The following CAMTA1 variants were observed in gnomAD, a reference collection of about 807,000 sequenced individuals.
CAMTA1 encodes calmodulin binding transcription activator 1.
A neutral mutation model predicts 170.9 loss-of-function variants in CAMTA1; 27 were observed. That is an observed-to-expected ratio of 0.16 (90% CI 0.12 to 0.22). CAMTA1 has a LOEUF of 0.22. Ranked by LOEUF, CAMTA1 falls within the 10% of genes least tolerant of loss-of-function variation. CAMTA1 has a pLI of 1.00. For synonymous variants in CAMTA1, 833 were observed against 891.5 expected, an observed-to-expected ratio of 0.93 and a Z score of 1.17; for missense variants, 1,619 against 2,217.2, an observed-to-expected ratio of 0.73 and a Z score of 5.42.
chr1:7,134,927 A>T (rs1358048579), intron 4 of CAMTA1, among the ~76,000 whole-genome samples: 3 of 152,076 alleles, frequency 2.0e-5, no homozygotes, highest in African/African-American at 7.2e-5. Context: ...AAAACAAATA[A>T]CCTCATTAAA....
intron 3 of CAMTA1, among the ~76,000 whole-genome samples, chr1:6,979,169 A>G (rs1419431062): frequency 6.6e-6 from 1 of 152,082 alleles, no homozygotes; most frequent in Non-Finnish European, 1.5e-5. Flanking sequence ...CATTGGGGAG[A>G]GCTGGAGGGG....
At chr1:7,068,942 CCT>C (rs1346070217) in intron 3 of CAMTA1, among the ~76,000 whole-genome samples, 1 of 152,150 alleles carries the variant, frequency 6.6e-6, no homozygotes, top group African/African-American at 2.4e-5. Flanking sequence ...TAAGTTGCTC[CCT>C]CTCTTTGTTC....
At chr1:7,636,431 T>TC (rs1472315926) in intron 6 of CAMTA1, among the ~76,000 whole-genome samples, 2 of 152,170 alleles carry the variant, frequency 1.3e-5, no homozygotes, top group Non-Finnish European at 2.9e-5. Context: ...TAGAAAGGCT[T>TC]CCCGGCCGGG....
chr1:6,854,763 A>C (rs949591851), intron 3 of CAMTA1, among the ~76,000 whole-genome samples: 2 of 152,252 alleles, frequency 1.3e-5, no homozygotes, highest in Non-Finnish European at 2.9e-5. Context: ...CAGAAAAATC[A>C]TGTGATAATG....
chr1:7,256,898 G>A (rs1202310601), intron 5 of CAMTA1, among the ~76,000 whole-genome samples: 3 of 151,986 alleles, frequency 2.0e-5, no homozygotes, highest in Non-Finnish European at 2.9e-5. Context: ...GTCTGGCAAG[G>A]GCCTGTTTCC....
Position 7,455,614 on chromosome 1 carries a change from A to G in CAMTA1, c.439-12216A>G, listed in dbSNP as rs77382329. On this transcript the variant is annotated intron_variant, in intron 5 of 22. Coordinates refer to ENST00000303635, the MANE Select transcript of CAMTA1 (RefSeq NM_015215.4). This position sits in a 1 kb window ranked among gnomAD's most constrained non-coding sequence, Gnocchi z 5.0. ...ATCCCTGCCCAGACTCCCTGGCCAC[A>G]TGCAGCCGCACATGTTGGAGTGTGC... Among the ~76,000 whole-genome samples the G allele has an allele frequency of 0.11, 17,317 of 152,240 alleles. 1,144 individuals are homozygous for G. Among genetic ancestry groups the G allele is most frequent in the African/African-American group, 0.16 (6,615 of 41,518 alleles).
In CAMTA1 at chr1:7,665,535, G is replaced by A. The variant is rs1478079723; in HGVS notation, c.2652+336G>A. ...TCCAAACCAACCTGGGCAACGTAGT[G>A]AGAACTGGTTTCAACAAAATATTAA... On this transcript the variant is annotated intron_variant, in intron 9 of 22. Transcript: ENST00000303635. This position sits in a 1 kb window ranked among gnomAD's most constrained non-coding sequence, Gnocchi z 4.3. 2.0e-5 allele frequency among the ~76,000 whole-genome samples: 3 copies of A among 152,050 alleles called. No homozygotes were observed. The highest frequency in any genetic ancestry group is 4.8e-5 in the African/African-American group (2 of 41,400).
intron 4 of CAMTA1, among the ~76,000 whole-genome samples, chr1:7,233,229 T>C (rs1443152959): frequency 6.6e-6 from 1 of 152,188 alleles, no homozygotes; most frequent in African/African-American, 2.4e-5. Flanking sequence ...GGTGTTGGAA[T>C]ATGACAAGTG....
chr1:7,313,910 C>T (rs1270506996), intron 5 of CAMTA1, among the ~76,000 whole-genome samples: 2 of 152,124 alleles, frequency 1.3e-5, no homozygotes, highest in African/African-American at 4.8e-5. Context: ...GCGGAGAGGG[C>T]ACATCAGAGC....
chr1:6,908,131 T>C (rs924816047), intron 3 of CAMTA1, among the ~76,000 whole-genome samples: 19 of 152,190 alleles, frequency 1.2e-4, no homozygotes, highest in East Asian at 7.7e-4. Context: ...TCTTTGCTCG[T>C]CACCCTTTAT....
chr1:6,844,780 A>G (rs1174961279), intron 3 of CAMTA1, among the ~76,000 whole-genome samples: 7 of 152,014 alleles, frequency 4.6e-5, no homozygotes, highest in Admixed American at 4.6e-4. Context: ...AGCAAAATAC[A>G]GCTACATGCA....
At position 6,808,915 on chromosome 1, in the gene CAMTA1, T is replaced by G. The variant is rs532414124; in HGVS notation, c.46-11266T>G. Among the ~76,000 whole-genome samples the G allele has an allele frequency of 3.4e-4, 51 of 152,100 alleles. 1 individual carries two copies. Among genetic ancestry groups the G allele is most frequent in the African/African-American group, 1.2e-3 (51 of 41,492 alleles). ...GCCTTGAGGGAAGGTGACTCCTAGG[T>G]TTTGAACCATAACTGGGGATTTAGT... On this transcript the variant is annotated intron_variant, in intron 1 of 22. Coordinates refer to ENST00000303635, the MANE Select transcript of CAMTA1 (RefSeq NM_015215.4).
At chr1:7,052,475 G>T (rs1001067646) in intron 3 of CAMTA1, among the ~76,000 whole-genome samples, 9 of 152,042 alleles carry the variant, frequency 5.9e-5, no homozygotes, top group Non-Finnish European at 1.5e-5. Context: ...GTCCAGCCAC[G>T]CCTCAACACC....
intron 4 of CAMTA1, among the ~76,000 whole-genome samples, chr1:7,160,145 A>G (rs1647122789): frequency 6.6e-6 from 1 of 152,136 alleles, no homozygotes; most frequent in Non-Finnish European, 1.5e-5. Flanking sequence ...GGTACTTGGG[A>G]GGCTGAGGCA....
At chr1:6,912,034 A>G (rs780700155) in intron 3 of CAMTA1, among the ~76,000 whole-genome samples, 66 of 152,130 alleles carry the variant, frequency 4.3e-4, no homozygotes, top group Non-Finnish European at 5.7e-4. Flanking sequence ...TTTTCAGGCT[A>G]TAGCTGAAGG....
intron 3 of CAMTA1, among the ~76,000 whole-genome samples, chr1:6,958,661 G>A (rs1425630099): frequency 6.6e-6 from 1 of 152,188 alleles, no homozygotes; most frequent in African/African-American, 2.4e-5. Context: ...GAGCCTCCAA[G>A]AAGTGCATGA....
rs574549987 is a variant in CAMTA1, at chr1:7,023,109, G to GTA, written c.235-68192_235-68191dup. 2.9e-3 allele frequency among the ~76,000 whole-genome samples: 447 copies of GTA among 152,232 alleles called. 4 individuals carry two copies. Among genetic ancestry groups the GTA allele is most frequent in the African/African-American group, 0.01 (418 of 41,532 alleles). On this transcript the variant is annotated intron_variant, in intron 3 of 22. Transcript: ENST00000303635. ...TTCTTCCCATTGGCTCAGGAACACG[G>GTA]TATACCCCAGTCCCCCAAGCCGTAG...
chr1:6,862,711 C>A (rs1054784621), intron 3 of CAMTA1, among the ~76,000 whole-genome samples: 2 of 152,170 alleles, frequency 1.3e-5, no homozygotes, highest in Admixed American at 6.5e-5. Flanking sequence ...CTGTTTCTCT[C>A]CCACTTAGGA....
chr1:6,987,641 G>T (rs1006936018), intron 3 of CAMTA1, among the ~76,000 whole-genome samples: 1 of 152,246 alleles, frequency 6.6e-6, no homozygotes, highest in South Asian at 2.1e-4. Flanking sequence ...CAGTGAGGCT[G>T]TGGGCAGATG....
Sources: gnomAD v4.1 joint callset for allele counts (sites outside exome capture counted in the v4.1 genomes callset) on GRCh38, gnomAD v4.1.1 for gene constraint, Gnocchi (gnomAD v3.1) non-coding constraint, MANE v1.5 for transcripts, NCBI Gene and HGNC (gene_info 2026-07-23, HGNC 2026-07-21) for gene names.